Variants in ADGRL2 observed in about 807,000 individuals in gnomAD.
ADGRL2 encodes adhesion G protein-coupled receptor L2.
ADGRL2 carries 44 observed loss-of-function variants against 157.4 expected under a neutral mutation model. That is an observed-to-expected ratio of 0.28 (90% CI 0.22 to 0.36). ADGRL2 has a LOEUF of 0.36. Among genes scored for constraint, ADGRL2 ranks in the 10% least tolerant of loss-of-function variants. ADGRL2 has a pLI of 1.00. For synonymous variants in ADGRL2, 585 were observed against 624.7 expected, an observed-to-expected ratio of 0.94 and a Z score of 0.95; for missense variants, 1,510 against 1,768.9, an observed-to-expected ratio of 0.85 and a Z score of 2.63.
chr1:81,390,285 A>AAAC (rs1370067333), intron 1 of ADGRL2, among the ~76,000 whole-genome samples: 79 of 152,310 alleles, frequency 5.2e-4, no homozygotes, highest in African/African-American at 1.7e-3. Context: ...GTTTTGTTGA[A>AAAC]AAACGTAAAA....
At chr1:81,691,880 G>GTATGTATATATATATATATATATATATA (rs2083343927) in intron 3 of ADGRL2, among the ~76,000 whole-genome samples, 1 of 119,880 alleles carries the variant, frequency 8.3e-6, no homozygotes, top group Admixed American at 9.4e-5. Flanking sequence ...GTGTGTGTGT[G>GTATGTATATATATATATATATATATATA]TATATATATA....
chr1:81,508,078 C>T (rs936443194), intron 2 of ADGRL2, among the ~76,000 whole-genome samples: 1 of 152,128 alleles, frequency 6.6e-6, no homozygotes, highest in Admixed American at 6.5e-5. Context: ...TTCTATCACT[C>T]GGCTTTATAT....
At chr1:81,685,074 C>T (rs1488427583) in intron 3 of ADGRL2, among the ~76,000 whole-genome samples, 1 of 152,078 alleles carries the variant, frequency 6.6e-6, no homozygotes, top group Non-Finnish European at 1.5e-5. Context: ...TGTGTGATGC[C>T]TCCTGATTTG....
At chr1:81,479,726 A>G (rs1260261228) in intron 2 of ADGRL2, among the ~76,000 whole-genome samples, 2 of 152,122 alleles carry the variant, frequency 1.3e-5, no homozygotes, top group Non-Finnish European at 2.9e-5. Flanking sequence ...GGAACTAACA[A>G]ATAACCCCAG....
At chr1:81,591,534 A>T (rs938912702) in intron 3 of ADGRL2, among the ~76,000 whole-genome samples, 3 of 152,206 alleles carry the variant, frequency 2.0e-5, no homozygotes, top group Non-Finnish European at 4.4e-5. Flanking sequence ...GAGTCTGTGT[A>T]TTAAGCAGAC....
upstream of ADGRL2, among the ~76,000 whole-genome samples, chr1:81,699,147 T>G (rs1048938669): frequency 9.2e-5 from 14 of 152,252 alleles, no homozygotes; most frequent in African/African-American, 3.4e-4. Context: ...TTTATTTTCC[T>G]CTGCCTTTTG....
intron 2 of ADGRL2, among the ~76,000 whole-genome samples, chr1:81,545,351 A>C (rs949199662): frequency 6.7e-6 from 1 of 149,230 alleles, no homozygotes; most frequent in African/African-American, 2.5e-5. Context: ...CAGCGATGTG[A>C]TCTTGGCTGT....
chr1:81,930,879 C>T (rs1326154390), intron 3 of ADGRL2, among the ~76,000 whole-genome samples: 1 of 152,080 alleles, frequency 6.6e-6, no homozygotes, highest in Non-Finnish European at 1.5e-5. Flanking sequence ...TGCCTGTAAT[C>T]CCTGCACTTT....
intron 2 of ADGRL2, among the ~76,000 whole-genome samples, chr1:81,883,827 CA>C (rs1184289384): frequency 6.6e-6 from 1 of 151,872 alleles, no homozygotes; most frequent in Non-Finnish European, 1.5e-5. Context: ...CTTCCTTTAT[CA>C]GTTTTAAAAG....
intron 3 of ADGRL2, among the ~76,000 whole-genome samples, chr1:81,648,583 C>T (rs2082355884): frequency 6.6e-6 from 1 of 152,144 alleles, no homozygotes; most frequent in South Asian, 2.1e-4. Flanking sequence ...TGTAATGCCA[C>T]GAGAACGGAT....
At chr1:81,486,998 A>T (rs2078517864) in intron 2 of ADGRL2, among the ~76,000 whole-genome samples, 1 of 151,404 alleles carries the variant, frequency 6.6e-6, no homozygotes, top group South Asian at 2.1e-4. Flanking sequence ...GCTCACACCT[A>T]TAATCCCAGA....
intron 1 of ADGRL2, among the ~76,000 whole-genome samples, chr1:81,751,587 T>A (rs2085491572): frequency 6.6e-6 from 1 of 152,204 alleles, no homozygotes; most frequent in Non-Finnish European, 1.5e-5. Flanking sequence ...GCATAATAAT[T>A]AAATTTAATG....
intron 2 of ADGRL2, among the ~76,000 whole-genome samples, chr1:81,883,518 T>G (rs1276809955): frequency 6.6e-6 from 1 of 152,180 alleles, no homozygotes; most frequent in East Asian, 1.9e-4. Context: ...GCGAATCCAT[T>G]TATTTAAAAT....
At chr1:81,825,239 C>T (rs1304060393) in intron 1 of ADGRL2, among the ~76,000 whole-genome samples, 1 of 152,072 alleles carries the variant, frequency 6.6e-6, no homozygotes, top group African/African-American at 2.4e-5. Context: ...GTGGGTATGT[C>T]TGTGGTCCCC....
chr1:81,636,895 G>A (rs2082125374), intron 3 of ADGRL2, among the ~76,000 whole-genome samples: 1 of 152,160 alleles, frequency 6.6e-6, no homozygotes, highest in Admixed American at 6.5e-5. Context: ...GAGTGCAGTG[G>A]CGCGATCTTA....
intron 1 of ADGRL2, among the ~76,000 whole-genome samples, chr1:81,355,847 G>A (rs575906244): frequency 9.9e-5 from 15 of 152,190 alleles, no homozygotes; most frequent in South Asian, 6.2e-4. Context: ...CTCTGTCTTC[G>A]TAACCCCTGG....
At chr1:81,517,668 T>C (rs913164168) in intron 2 of ADGRL2, among the ~76,000 whole-genome samples, 1 of 152,024 alleles carries the variant, frequency 6.6e-6, no homozygotes, top group African/African-American at 2.4e-5. Flanking sequence ...GAGCAGACTG[T>C]GAATATCTCA....
At chr1:81,787,571 C>G (rs1442549785) in intron 2 of ADGRL2, among the ~76,000 whole-genome samples, 1 of 152,080 alleles carries the variant, frequency 6.6e-6, no homozygotes, top group East Asian at 1.9e-4. Context: ...AGGAGAATTG[C>G]TTGAACCTGG....
chr1:81,398,353 C>T (rs1490801499), intron 1 of ADGRL2, among the ~76,000 whole-genome samples: 1 of 151,940 alleles, frequency 6.6e-6, no homozygotes, highest in Non-Finnish European at 1.5e-5. Flanking sequence ...TTGTTGTTTC[C>T]TGGTTGTTTT....
Sources: gnomAD v4.1 joint callset for allele counts (sites outside exome capture counted in the v4.1 genomes callset) on GRCh38, gnomAD v4.1.1 for gene constraint, MANE v1.5 for transcripts, NCBI Gene and HGNC (gene_info 2026-07-23, HGNC 2026-07-21) for gene names.